The following UBQLN4 variants were observed in gnomAD, a reference collection of about 807,000 sequenced individuals.
UBQLN4 encodes ubiquilin 4, also known as ubiquilin-4.
Under a neutral mutation model 60.4 loss-of-function variants are expected in UBQLN4, and 11 were observed. That is an observed-to-expected ratio of 0.18 (90% CI 0.11 to 0.30). UBQLN4 has a LOEUF of 0.30. UBQLN4 is among the 10% of genes least tolerant of loss of function. The pLI is 1.00. For synonymous variants in UBQLN4, 258 were observed against 313.1 expected (o/e 0.82, Z 1.86); for missense variants, 417 against 795.5 (o/e 0.52, Z 5.72).
At position 156,050,235 on chromosome 1, in the gene UBQLN4, G is replaced by C; in HGVS notation, c.741+56C>G. 6.6e-7 allele frequency: 1 copy of C among 1,508,472 alleles called. No homozygotes were observed. Among genetic ancestry groups the C allele is most frequent in the South Asian group, 1.4e-5 (1 of 73,936 alleles). 93.4% of individuals were successfully genotyped at this position (1,508,472 alleles called of 1,614,324 possible). On this transcript the variant is annotated intron_variant, in intron 4 of 10. Coordinates refer to ENST00000368309, the MANE Select transcript of UBQLN4 (RefSeq NM_020131.5). The surrounding 1 kb of genome is among the most constrained non-coding windows in gnomAD (Gnocchi z 4.6). ...ATGTAGGACAAAGTAGGAAAGGCTG[G>C]GCAGGGCACGGCTGGGCACCAGTGT...
chr1:156,034,528 C>A (rs1440984997), downstream of UBQLN4, among the ~76,000 whole-genome samples: 1 of 151,518 alleles, frequency 6.6e-6, no homozygotes, highest in Non-Finnish European at 1.5e-5. Context: ...GAACTCCTGA[C>A]CTCGTGATCC....
At position 156,048,685 on chromosome 1, in the gene UBQLN4, G is replaced by C; in HGVS notation, c.742-26C>G. 1 of 1,604,702 alleles carries C rather than the reference G, an allele frequency of 6.2e-7. No homozygotes were observed. The highest frequency in any genetic ancestry group is 1.1e-5 in the South Asian group (1 of 90,868). The stretch of plus-strand genomic sequence containing the variant: ...CTGATCAAGGGAGAGAGACAAAATG[G>C]GCCCCGGAACCAGGGGAGCACCAAC... On this transcript the variant is annotated intron_variant, in intron 4 of 10. Transcript: ENST00000368309. The surrounding 1 kb of genome is among the most constrained non-coding windows in gnomAD (Gnocchi z 4.9).
At chr1:156,039,967 T>A (rs1322902282) in intron 10 of UBQLN4, among the ~76,000 whole-genome samples, 1 of 146,098 alleles carries the variant, frequency 6.8e-6, no homozygotes, top group Non-Finnish European at 1.5e-5. Context: ...AAAAGACTCT[T>A]ATAGCTAGAA....
In UBQLN4 at chr1:156,048,655, A is replaced by G; in HGVS notation, c.746T>C (p.Met249Thr). Residue 249 changes from methionine (M) to threonine (T), a missense_variant, in exon 5 of 11, where the codon ATG becomes ACG. Coordinates refer to ENST00000368309, the MANE Select transcript of UBQLN4 (RefSeq NM_020131.5). This position sits in a 1 kb window ranked among gnomAD's most constrained non-coding sequence, Gnocchi z 4.9. ...LNNPELMRQT[M>T]ELARNPAMMQ... ...CATGGCTGGATTCCGAGCAAGCTCC[A>G]TTGTCTGATCAAGGGAGAGAGACAA... is the stretch of plus-strand genomic sequence containing the variant. 1.2e-6 allele frequency: 2 copies of G among 1,613,800 alleles called. No individual in the cohort carries two copies. The highest frequency in any genetic ancestry group is 1.3e-5 in the African/African-American group (1 of 75,022).
rs776812395 is a variant in UBQLN4 at position 156,044,038 on chromosome 1, G to C, written c.1086C>G (p.Val362=). The C allele has an allele frequency of 1.2e-6, 2 of 1,610,280 alleles. No homozygotes were observed. The highest frequency in any genetic ancestry group is 2.7e-5 in the African/African-American group (2 of 74,898). ...GSGTSQVHPT[V]SNPFGINAAS... is the part of the protein sequence containing the mutation. ...CCGCATTGATCCCAAAGGGGTTCGAGACTGTCGGGTGCACCTGGCTGGTCC... is the reference window on the plus strand; with the variant it reads ...CCGCATTGATCCCAAAGGGGTTCGACACTGTCGGGTGCACCTGGCTGGTCC... The change falls in exon 6 of 11, where the codon GTC becomes GTG. Residue 362 remains valine, a synonymous_variant. Transcript: ENST00000368309.
Position 156,036,404 on chromosome 1 carries a change from C to T in UBQLN4, c.*574G>A, listed in dbSNP as rs942526555. On this transcript the variant is annotated 3_prime_UTR_variant, in exon 11 of 11. Transcript: ENST00000368309. ...GGAGAACAGGCATCTTCCTCCTTAC[C>T]CTGGAATTTCCAACAGTTCCCACCA... 4 of 985,592 alleles carry T rather than the reference C, an allele frequency of 4.1e-6. No homozygotes were observed. Among genetic ancestry groups the T allele is most frequent in the African/African-American group, 1.7e-5 (1 of 57,216 alleles). The allele number at this position is 985,592 out of a possible 1,614,324, so 61.1% of individuals were successfully genotyped here.
At position 156,042,925 on chromosome 1, in the gene UBQLN4, C is replaced by T. The variant is rs553311874; in HGVS notation, c.1127-12G>A. The T allele has an allele frequency of 1.4e-5, 23 of 1,610,076 alleles. No homozygotes were observed. In the African/African-American group the frequency reaches 1.9e-4, roughly 13 times the overall value. On this transcript the variant is annotated splice_polypyrimidine_tract_variant and intron_variant, in intron 6 of 10. Coordinates refer to ENST00000368309, the MANE Select transcript of UBQLN4 (RefSeq NM_020131.5). ...GCTATTGAACATCCCTAGGACAAGG[C>T]GGAAAAAAAGAAAACAGGAGAGAAA...
chr1:156,033,163 AGGAAAACAAGGCATCCGACTCT>A, downstream of UBQLN4: 1 of 965,302 alleles, frequency 1.0e-6, no homozygotes, highest in Non-Finnish European at 1.2e-6. Context: ...AAGTCAGTGG[AGGAAAACAAGGCATCCGACTCT>A]GGAGCAAGGA....
At chr1:156,032,766 T>C (rs116281084), downstream of UBQLN4, among the ~76,000 whole-genome samples, 1,258 of 152,260 alleles carry the variant, frequency 8.3e-3, 20 homozygotes, top group African/African-American at 0.029. Flanking sequence ...CGAAGTCCCA[T>C]ATGTAACAGG....
intron 5 of UBQLN4, among the ~76,000 whole-genome samples, chr1:156,046,130 G>A (rs1038816991): frequency 1.3e-5 from 2 of 151,778 alleles, no homozygotes; most frequent in Non-Finnish European, 1.5e-5. Context: ...ATAGGCATGC[G>A]CCACTACGCT....
At chr1:156,041,010 G>C (rs1241735844) in intron 10 of UBQLN4, among the ~76,000 whole-genome samples, 1 of 152,162 alleles carries the variant, frequency 6.6e-6, no homozygotes, top group Non-Finnish European at 1.5e-5. Context: ...GATGGGGGCT[G>C]CTTTAATTAT....
chr1:156,051,803 T>G lies in UBQLN4; in HGVS notation c.163A>C (p.Ile55Leu). 6.2e-7 allele frequency: 1 copy of G among 1,614,146 alleles called. No individual in the cohort carries two copies. The highest frequency in any genetic ancestry group is 8.5e-7 in the Non-Finnish European group (1 of 1,180,024). ...FKAQQDQLVL[I>L]FAGKILKDGD... ...TCCTTGAGGATCTTGCCTGCGAAGATCAGGACCAGCTGATCCTGCTGAGCC... is the reference window on the plus strand; with the variant it reads ...TCCTTGAGGATCTTGCCTGCGAAGAGCAGGACCAGCTGATCCTGCTGAGCC... The change falls in exon 2 of 11, where the codon ATC becomes CTC. Residue 55 changes from isoleucine (I) to leucine (L), a missense_variant. Ile to Leu is a conservative substitution (Grantham distance 5, BLOSUM62 2). Coordinates refer to ENST00000368309, the MANE Select transcript of UBQLN4 (RefSeq NM_020131.5).
At position 156,044,110 on chromosome 1, in the gene UBQLN4, G is replaced by T. The variant is rs770266985; in HGVS notation, c.1014C>A (p.Pro338=). The T allele has an allele frequency of 1.3e-5, 20 of 1,585,972 alleles. No individual in the cohort carries two copies. Among genetic ancestry groups the T allele is most frequent in the Non-Finnish European group, 1.7e-5 (20 of 1,166,458 alleles). The change falls in exon 6 of 11, where the codon CCC becomes CCA. Residue 338 remains proline, a synonymous_variant. Transcript: ENST00000368309. ...PLPNPWSPSP[P]TSQAPGSGGE... Reference sequence around the variant, plus strand: ...CACCGGACCCGGGGGCCTGGGAGGTGGGGGGCGAGGGGCTCCAGGGGTTAG... The same window carrying T: ...CACCGGACCCGGGGGCCTGGGAGGTTGGGGGCGAGGGGCTCCAGGGGTTAG...
chr1:156,050,219 A>G lies in UBQLN4; in HGVS notation c.741+72T>C. The G allele has an allele frequency of 6.7e-7, 1 of 1,501,014 alleles. No individual in the cohort carries two copies. The highest frequency in any genetic ancestry group is 8.9e-7 in the Non-Finnish European group (1 of 1,122,828). 93.0% of individuals were successfully genotyped at this position (1,501,014 alleles called of 1,614,324 possible). On this transcript the variant is annotated intron_variant, in intron 4 of 10. Transcript: ENST00000368309. The surrounding 1 kb of genome is among the most constrained non-coding windows in gnomAD (Gnocchi z 4.6). ...ACGAATGAACAAATCAATGTAGGAC[A>G]AAGTAGGAAAGGCTGGGCAGGGCAC...
downstream of UBQLN4, among the ~76,000 whole-genome samples, chr1:156,034,867 A>ATATG (rs1683363051): frequency 2.6e-5 from 2 of 77,894 alleles, no homozygotes; most frequent in African/African-American, 9.3e-5. Context: ...ATATATATAT[A>ATATG]TATAATTTTT....
chr1:156,045,385 C>G (rs978723670), intron 5 of UBQLN4, among the ~76,000 whole-genome samples: 13 of 152,202 alleles, frequency 8.5e-5, no homozygotes, highest in Non-Finnish European at 1.6e-4. Flanking sequence ...CCTAGCACCT[C>G]ACCCCACCTT....
rs1337953128 is a variant in UBQLN4 at position 156,053,627 on chromosome 1, T to C, written c.75A>G (p.Glu25=). 8.1e-6 allele frequency: 11 copies of C among 1,363,510 alleles called. No individual in the cohort carries two copies. Among genetic ancestry groups the C allele is most frequent in the Non-Finnish European group, 9.6e-6 (10 of 1,045,476 alleles). The allele number at this position is 1,363,510 out of a possible 1,614,324, so 84.5% of individuals were successfully genotyped here. ...VTVKTPKDKE[E]IVICDRASVK... ...CCGAGGCTCGATCGCAGATCACAAT[T>C]TCCTCCTTGTCCTTGGGGGTCTTGA... Residue 25 remains glutamate, a synonymous_variant, in exon 1 of 11, where the codon GAA becomes GAG. Coordinates refer to ENST00000368309, the MANE Select transcript of UBQLN4 (RefSeq NM_020131.5).
At position 156,036,099 on chromosome 1, in the gene UBQLN4, C is replaced by T. The variant is rs549344592; in HGVS notation, c.*879G>A. 35 of 985,556 alleles carry T rather than the reference C, an allele frequency of 3.6e-5. No individual in the cohort carries two copies. In the South Asian group the frequency reaches 9.4e-4, roughly 26 times the overall value. The allele number at this position is 985,556 out of a possible 1,614,324, so 61.1% of individuals were successfully genotyped here. A position where few individuals can be genotyped will look rare whatever the true frequency, so the allele number is the denominator to read the frequency against. On this transcript the variant is annotated 3_prime_UTR_variant, in exon 11 of 11. Transcript: ENST00000368309. ...CAATATGACCCCTTGTGGGGCGTGG[C>T]GCTTAGCTTCATTGGGCTCCTTTTT...
intron 10 of UBQLN4, among the ~76,000 whole-genome samples, chr1:156,040,507 G>A (rs1374461715): frequency 7.8e-5 from 11 of 140,952 alleles, no homozygotes; most frequent in Admixed American, 1.5e-4. Flanking sequence ...GTGCAGTGGC[G>A]CCATCTTGGC....
Sources: gnomAD v4.1 joint callset for allele counts (sites outside exome capture counted in the v4.1 genomes callset) on GRCh38, gnomAD v4.1.1 for gene constraint, Gnocchi (gnomAD v3.1) non-coding constraint, MANE v1.5 for transcripts, NCBI Gene and HGNC (gene_info 2026-07-23, HGNC 2026-07-21) for gene names.